Variants in FAT3 observed in about 807,000 individuals in gnomAD.
The protein encoded by FAT3 is protocadherin Fat 3.
FAT3 carries 95 observed loss-of-function variants against 310.2 expected under a neutral mutation model. The ratio of observed to expected loss-of-function variants is 0.31; its 90% CI spans 0.26 to 0.36. The LOEUF (loss-of-function observed/expected upper bound fraction) is 0.36, where lower values mean the gene tolerates loss of function less well. Among genes scored for constraint, FAT3 ranks in the 10% least tolerant of loss-of-function variants. The pLI is 1.00. For missense variants in FAT3, 5,408 were observed against 5,715.6 expected, an observed-to-expected ratio of 0.95 and a Z score of 1.74; for synonymous variants, 2,314 against 2,192.9, an observed-to-expected ratio of 1.06 and a Z score of -1.54.
At chr11:92,571,984 C>T (rs1955678098) in intron 3 of FAT3, among the ~76,000 whole-genome samples, 1 of 152,218 alleles carries the variant, frequency 6.6e-6, no homozygotes, top group Non-Finnish European at 1.5e-5. Flanking sequence ...GAGCTTGAAG[C>T]CTCACCCTTA....
At chr11:92,578,175 T>C (rs745365893) in intron 3 of FAT3, among the ~76,000 whole-genome samples, 5 of 151,796 alleles carry the variant, frequency 3.3e-5, no homozygotes, top group South Asian at 2.1e-4. Context: ...AGTAACAATT[T>C]GAGTTTTAAA....
At chr11:92,816,408 A>G (rs985721152) in intron 13 of FAT3, among the ~76,000 whole-genome samples, 26 of 152,210 alleles carry the variant, frequency 1.7e-4, no homozygotes, top group African/African-American at 5.5e-4. Flanking sequence ...GCAGCATGCC[A>G]GCTGTCAGCT....
Position 92,547,168 on chromosome 11 carries a change from A to T in FAT3, c.3607+22220A>T, listed in dbSNP as rs141266656. Among the ~76,000 whole-genome samples the T allele has an allele frequency of 1.6e-3, 246 of 152,214 alleles. 1 individual carries two copies. The highest frequency in any genetic ancestry group is 5.5e-3 in the African/African-American group (229 of 41,540). On this transcript the variant is annotated intron_variant, in intron 3 of 27. Coordinates refer to ENST00000525166, the MANE Select transcript of FAT3 (RefSeq NM_001367949.2). ...CTGGCTGGAAGCTTTACTGTAAACC[A>T]ATAAAGGTGGCCAAATAGCCAGTCT...
At chr11:92,860,844 C>T (rs533565425) in intron 21 of FAT3, among the ~76,000 whole-genome samples, 70 of 152,278 alleles carry the variant, frequency 4.6e-4, no homozygotes, top group African/African-American at 1.0e-3. Context: ...ATTTGATGGC[C>T]ATAGTTGAGT....
At chr11:92,684,514 A>G (rs1403745608) in intron 3 of FAT3, among the ~76,000 whole-genome samples, 2 of 152,156 alleles carry the variant, frequency 1.3e-5, no homozygotes, top group East Asian at 3.9e-4. Context: ...GAAAATCTGA[A>G]CAACCTTCTT....
At chr11:92,245,797 C>A (rs1864879101) in intron 1 of FAT3, among the ~76,000 whole-genome samples, 1 of 152,126 alleles carries the variant, frequency 6.6e-6, no homozygotes. Context: ...CTGTAGTTTG[C>A]AACCCCTGCT....
intron 2 of FAT3, among the ~76,000 whole-genome samples, chr11:92,471,934 T>TAA (rs920069000): frequency 8.1e-6 from 1 of 123,520 alleles, no homozygotes; most frequent in Non-Finnish European, 1.6e-5. Flanking sequence ...TATATATATA[T>TAA]ATATATATAT....
At chr11:92,682,576 G>T (rs191938738) in intron 3 of FAT3, among the ~76,000 whole-genome samples, 202 of 152,330 alleles carry the variant, frequency 1.3e-3, no homozygotes, top group South Asian at 9.1e-3. Context: ...CATTTGGGAA[G>T]TTAATCACAA....
chr11:92,530,565 A>G (rs1954031827), intron 3 of FAT3, among the ~76,000 whole-genome samples: 1 of 151,440 alleles, frequency 6.6e-6, no homozygotes, highest in African/African-American at 2.4e-5. Flanking sequence ...AAAATATCAC[A>G]TGGATTCCTA....
Position 92,805,235 on chromosome 11 carries a change from AG to A in FAT3, c.8980del (p.Glu2994AsnfsTer24). On this transcript the variant is annotated frameshift_variant, in exon 11 of 28. Coordinates refer to ENST00000525166, the MANE Select transcript of FAT3 (RefSeq NM_001367949.2). LOFTEE classifies it high-confidence loss of function. ...VYVKRPLDRE[E>X]QDIYFLNITA... ...ATGTGAAGAGGCCTCTAGACAGAGA[AG>A]AACAGGACATTTACTTTCTCAATAT... is the stretch of plus-strand genomic sequence containing the variant. The A allele has an allele frequency of 6.2e-7, 1 of 1,613,908 alleles. No homozygotes were observed. Among genetic ancestry groups the A allele is most frequent in the Non-Finnish European group, 8.5e-7 (1 of 1,179,842 alleles).
chr11:92,827,501 T>C (rs1346343086), intron 13 of FAT3, among the ~76,000 whole-genome samples: 4 of 152,168 alleles, frequency 2.6e-5, no homozygotes, highest in Non-Finnish European at 4.4e-5. Flanking sequence ...AGGACACTTG[T>C]GTAGTTTGGG....
intron 2 of FAT3, among the ~76,000 whole-genome samples, chr11:92,469,660 A>C (rs1591331599): frequency 6.6e-6 from 1 of 151,546 alleles, no homozygotes. Context: ...GATTACAGGC[A>C]CCTGCCACCA....
chr11:92,252,450 G>T lies in FAT3; in HGVS notation c.-18+27276G>T, dbSNP rs1020511386. 9.9e-5 allele frequency among the ~76,000 whole-genome samples: 15 copies of T among 152,184 alleles called. 1 individual carries two copies. Among genetic ancestry groups the T allele is most frequent in the Admixed American group, 9.8e-4 (15 of 15,282 alleles). On this transcript the variant is annotated intron_variant, in intron 1 of 27. Transcript: ENST00000525166. ...AGTATGACATGGTTATACTGGCATG[G>T]TTAAACAGCTGTAGAGCTAGGACCA...
intron 2 of FAT3, among the ~76,000 whole-genome samples, chr11:92,468,470 A>G (rs1481137460): frequency 6.6e-6 from 1 of 152,186 alleles, no homozygotes; most frequent in Non-Finnish European, 1.5e-5. Flanking sequence ...TATATTTTAA[A>G]GCCAGGTGTA....
intron 4 of FAT3, among the ~76,000 whole-genome samples, chr11:92,753,229 A>G (rs1409595703): frequency 6.6e-6 from 1 of 152,172 alleles, no homozygotes; most frequent in Non-Finnish European, 1.5e-5. Flanking sequence ...CTTAGAACCC[A>G]GCTGAGGTCC....
At chr11:92,743,472 A>G (rs1945565496) in intron 4 of FAT3, among the ~76,000 whole-genome samples, 1 of 152,218 alleles carries the variant, frequency 6.6e-6, no homozygotes, top group South Asian at 2.1e-4. Flanking sequence ...TAGAGAAGGG[A>G]CCAAGAAATA....
intron 1 of FAT3, among the ~76,000 whole-genome samples, chr11:92,292,081 T>C (rs1946708696): frequency 6.6e-6 from 1 of 152,068 alleles, no homozygotes; most frequent in South Asian, 2.1e-4. Context: ...CTTCAACCTC[T>C]TTTATCTAAA....
chr11:92,366,887 G>A, intron 2 of FAT3: 2 of 533,808 alleles, frequency 3.7e-6, no homozygotes, highest in South Asian at 2.8e-5. Flanking sequence ...TAGAGGTGGT[G>A]GGACATCACA....
intron 19 of FAT3, among the ~76,000 whole-genome samples, chr11:92,855,458 G>A (rs1222232835): frequency 6.6e-6 from 1 of 152,158 alleles, no homozygotes; most frequent in Non-Finnish European, 1.5e-5. Flanking sequence ...TGTTTCTTGA[G>A]GTGAGAGAAA....
Sources: allele counts gnomAD v4.1 joint callset (sites outside exome capture counted in the v4.1 genomes callset), GRCh38; gene constraint gnomAD v4.1.1; transcripts MANE v1.5; gene names NCBI Gene and HGNC (gene_info 2026-07-23, HGNC 2026-07-21).